The following PTPRM variants were observed in gnomAD, a reference collection of about 807,000 sequenced individuals.
PTPRM encodes protein tyrosine phosphatase receptor type M, also known as receptor-type tyrosine-protein phosphatase mu.
In PTPRM, 47 loss-of-function variants were observed where a neutral mutation model predicts 186.7. The ratio of observed to expected loss-of-function variants is 0.25; its 90% CI spans 0.20 to 0.32. The LOEUF (loss-of-function observed/expected upper bound fraction) is 0.32, where lower values mean the gene tolerates loss of function less well. PTPRM is among the 10% of genes least tolerant of loss of function. The pLI is 1.00. For missense variants in PTPRM, 1,494 were observed against 1,865.0 expected (o/e 0.80, Z 3.66); for synonymous variants, 668 against 674.9 (o/e 0.99, Z 0.16).
chr18:7,676,690 C>T (rs568420816), intron 1 of PTPRM, among the ~76,000 whole-genome samples: 53 of 139,536 alleles, frequency 3.8e-4, no homozygotes, highest in Admixed American at 1.2e-3. Context: ...TGTGTGTGTG[C>T]GCGTGCACGC....
intron 7 of PTPRM, among the ~76,000 whole-genome samples, chr18:8,019,780 TA>T (rs1329939843): frequency 2.0e-5 from 3 of 147,460 alleles, no homozygotes; most frequent in Non-Finnish European, 4.5e-5. Context: ...TTTTAATAAT[TA>T]TAAACTAATA....
In PTPRM at chr18:8,240,546, G is replaced by GAAGGAAGA. The variant is rs1555813330; in HGVS notation, c.2301-3506_2301-3505insGAAAGGAA. ...GGAAGGAAGGAAGGAAGGAAGGAAG[G>GAAGGAAGA]AAGGAAAGAAGGAAAGAAAGAAAGA... On this transcript the variant is annotated intron_variant, in intron 14 of 32. Coordinates refer to ENST00000580170, the MANE Select transcript of PTPRM (RefSeq NM_001105244.2). Among the ~76,000 whole-genome samples, 16 of 116,304 alleles carry GAAGGAAGA rather than the reference G, an allele frequency of 1.4e-4. No homozygotes were observed. In the East Asian group the frequency reaches 4.0e-3, roughly 29 times the overall value. 76.3% of individuals were successfully genotyped at this position (116,304 alleles called of 152,430 possible).
At chr18:7,998,934 T>C (rs1224486111) in intron 7 of PTPRM, among the ~76,000 whole-genome samples, 3 of 152,200 alleles carry the variant, frequency 2.0e-5, no homozygotes, top group Non-Finnish European at 4.4e-5. Flanking sequence ...GGATTACAGA[T>C]GTAAGCCACT....
chr18:7,750,511 C>G (rs1357261643), intron 1 of PTPRM, among the ~76,000 whole-genome samples: 1 of 152,194 alleles, frequency 6.6e-6, no homozygotes, highest in Admixed American at 6.5e-5. Flanking sequence ...CTTTACTCAG[C>G]TGTTCAGAAT....
intron 1 of PTPRM, among the ~76,000 whole-genome samples, chr18:7,608,767 T>G (rs2037599687): frequency 1.3e-5 from 2 of 152,162 alleles, no homozygotes; most frequent in Admixed American, 1.3e-4. Context: ...ACAGCTGTCT[T>G]CGGGAAGCTG....
At chr18:8,258,756 G>A (rs192609302) in intron 19 of PTPRM, among the ~76,000 whole-genome samples, 1 of 152,034 alleles carries the variant, frequency 6.6e-6, no homozygotes, top group East Asian at 1.9e-4. Context: ...AAACACAGAT[G>A]GTACTATTTT....
intron 14 of PTPRM, among the ~76,000 whole-genome samples, chr18:8,197,766 G>A (rs1161289627): frequency 1.3e-5 from 2 of 152,186 alleles, no homozygotes; most frequent in Admixed American, 6.5e-5. Context: ...ACAGGCAAAT[G>A]TTCACACATA....
intron 1 of PTPRM, among the ~76,000 whole-genome samples, chr18:7,569,278 C>T (rs557759049): frequency 2.0e-4 from 30 of 152,290 alleles, no homozygotes; most frequent in African/African-American, 7.2e-4. Context: ...GACCCTTGAT[C>T]ACAGTTGGCC....
intron 2 of PTPRM, among the ~76,000 whole-genome samples, chr18:7,776,925 G>A (rs1466793109): frequency 2.0e-5 from 3 of 152,180 alleles, no homozygotes; most frequent in Admixed American, 6.5e-5. Context: ...TTTCCAATAT[G>A]TATATACAGC....
At chr18:8,073,945 A>G (rs1374180834) in intron 8 of PTPRM, among the ~76,000 whole-genome samples, 1 of 152,168 alleles carries the variant, frequency 6.6e-6, no homozygotes, top group Non-Finnish European at 1.5e-5. Flanking sequence ...TCATTTTAGG[A>G]ATGAGGCAAA....
At chr18:8,190,276 C>T (rs935423526) in intron 14 of PTPRM, among the ~76,000 whole-genome samples, 10 of 152,174 alleles carry the variant, frequency 6.6e-5, no homozygotes, top group Non-Finnish European at 1.3e-4. Flanking sequence ...TTCCAGCCTC[C>T]CTCCCCACAC....
At chr18:8,077,565 A>G (rs79413949) in intron 9 of PTPRM, among the ~76,000 whole-genome samples, 3,405 of 152,334 alleles carry the variant, frequency 0.022, 55 homozygotes, top group African/African-American at 0.047. Context: ...AGAATTGAAT[A>G]TTATGAAAAT....
chr18:8,236,604 C>T (rs2094348377), intron 14 of PTPRM, among the ~76,000 whole-genome samples: 2 of 151,914 alleles, frequency 1.3e-5, no homozygotes, highest in Non-Finnish European at 2.9e-5. Context: ...TGAATTGGTG[C>T]AATCTTGGTT....
chr18:7,937,355 A>G (rs963806534), intron 5 of PTPRM, among the ~76,000 whole-genome samples: 2 of 152,138 alleles, frequency 1.3e-5, no homozygotes, highest in Non-Finnish European at 2.9e-5. Flanking sequence ...CACGTTCCCC[A>G]TTGCCAGCCT....
chr18:7,711,726 A>G (rs929496375), intron 1 of PTPRM, among the ~76,000 whole-genome samples: 2 of 152,116 alleles, frequency 1.3e-5, no homozygotes, highest in South Asian at 2.1e-4. Context: ...GGAAGTTCCA[A>G]TGGGGCGGAG....
intron 7 of PTPRM, among the ~76,000 whole-genome samples, chr18:7,957,037 T>C (rs1288276251): frequency 6.6e-6 from 1 of 152,208 alleles, no homozygotes; most frequent in Non-Finnish European, 1.5e-5. Context: ...ATTCCTGTTT[T>C]GGGCATGGCA....
chr18:8,372,366 G>A (rs1476041437), intron 24 of PTPRM, among the ~76,000 whole-genome samples: 3 of 144,662 alleles, frequency 2.1e-5, no homozygotes, highest in Non-Finnish European at 4.5e-5. Flanking sequence ...GAGCCACCGC[G>A]CCCGGCCTCC....
intron 14 of PTPRM, among the ~76,000 whole-genome samples, chr18:8,185,736 A>G (rs897511437): frequency 6.6e-6 from 1 of 152,262 alleles, no homozygotes; most frequent in African/African-American, 2.4e-5. Flanking sequence ...CTAGGCAGGC[A>G]TATGGAATAG....
intron 14 of PTPRM, among the ~76,000 whole-genome samples, chr18:8,189,975 C>T (rs992384981): frequency 3.9e-5 from 6 of 151,932 alleles, no homozygotes; most frequent in African/African-American, 7.3e-5. Context: ...TCTCTAAGAC[C>T]GAGTTATCTT....
Sources: gnomAD v4.1 joint callset for allele counts (sites outside exome capture counted in the v4.1 genomes callset) on GRCh38, gnomAD v4.1.1 for gene constraint, MANE v1.5 for transcripts, NCBI Gene and HGNC (gene_info 2026-07-23, HGNC 2026-07-21) for gene names.